The following TPRG1 variants were observed in gnomAD, a reference collection of about 807,000 sequenced individuals.
The protein encoded by TPRG1 is tumor protein p63-regulated gene 1 protein.
In TPRG1, 29 loss-of-function variants were observed where a neutral mutation model predicts 29.3. That is an observed-to-expected ratio of 0.99 (90% confidence interval 0.74 to 1.35). The LOEUF (loss-of-function observed/expected upper bound fraction) is 1.35. Among genes scored for constraint, TPRG1 ranks in the 40% most tolerant of loss-of-function variants. The probability of loss-of-function intolerance (pLI) is 0.00; values close to 1 mark genes in which losing one functional copy is unlikely to be tolerated. For synonymous variants in TPRG1, 130 were observed against 116.8 expected (o/e 1.11, Z -0.73); for missense variants, 327 against 335.0 (o/e 0.98, Z 0.19).
chr3:189,260,681 C>T (rs1375637013), intron 4 of TPRG1, among the ~76,000 whole-genome samples: 1 of 152,188 alleles, frequency 6.6e-6, no homozygotes, highest in Non-Finnish European at 1.5e-5. Flanking sequence ...CATTCTGCAA[C>T]ATAGAAGGGA....
upstream of TPRG1, among the ~76,000 whole-genome samples, chr3:189,170,632 A>G (rs750264212): frequency 6.6e-6 from 1 of 152,168 alleles, no homozygotes. Context: ...ATCCTTGTCT[A>G]TGTGGATAAC....
At chr3:189,216,630 G>C (rs1220504650) in intron 3 of TPRG1, among the ~76,000 whole-genome samples, 1 of 152,216 alleles carries the variant, frequency 6.6e-6, no homozygotes, top group South Asian at 2.1e-4. Context: ...TTCAATAGCT[G>C]TTAGTGCCCC....
chr3:189,141,019 C>T (rs761960693), intron 3 of TPRG1, among the ~76,000 whole-genome samples: 4 of 152,170 alleles, frequency 2.6e-5, no homozygotes, highest in Non-Finnish European at 5.9e-5. Flanking sequence ...CCTATTTGCA[C>T]ACAAGTACAT....
chr3:188,997,846 T>TCTTTATCAGAAGGAGAGGAA (rs1711882706), intron 1 of TPRG1, among the ~76,000 whole-genome samples: 1 of 152,182 alleles, frequency 6.6e-6, no homozygotes, highest in African/African-American at 2.4e-5. Context: ...CTGTACTTCC[T>TCTTTATCAGAAGGAGAGGAA]CCCCTTGCTC....
intron 5 of TPRG1, among the ~76,000 whole-genome samples, chr3:189,157,588 T>C (rs1726862205): frequency 6.6e-6 from 1 of 152,210 alleles, no homozygotes; most frequent in Non-Finnish European, 1.5e-5. Context: ...ATGATGCTTT[T>C]GGCGAAAGAC....
intron 4 of TPRG1, among the ~76,000 whole-genome samples, chr3:189,246,604 A>G (rs1056502080): frequency 2.6e-5 from 4 of 152,116 alleles, no homozygotes; most frequent in Admixed American, 6.6e-5. Context: ...CTTCCATAAG[A>G]TTCATTTCCC....
intron 1 of TPRG1, among the ~76,000 whole-genome samples, chr3:189,176,787 G>A (rs968877127): frequency 6.6e-6 from 1 of 152,246 alleles, no homozygotes; most frequent in African/African-American, 2.4e-5. Context: ...AACGAACTGA[G>A]TGGAAAGATC....
intron 5 of TPRG1, among the ~76,000 whole-genome samples, chr3:189,312,181 CTTTTTTTCT>C (rs1560689664): frequency 1.9e-5 from 1 of 51,398 alleles, no homozygotes. Context: ...TTCTTTCTTT[CTTTTTTTCT>C]TTCTTTCTTT....
chr3:189,158,473 G>T (rs999654374), intron 5 of TPRG1, among the ~76,000 whole-genome samples: 2 of 152,064 alleles, frequency 1.3e-5, no homozygotes, highest in Non-Finnish European at 2.9e-5. Context: ...GCCAGGCGTG[G>T]TGGCTTGCGG....
intron 1 of TPRG1, among the ~76,000 whole-genome samples, chr3:189,112,537 C>A (rs948455506): frequency 6.6e-6 from 1 of 151,984 alleles, no homozygotes; most frequent in African/African-American, 2.4e-5. Context: ...TAATCCATCT[C>A]GAATTAATTT....
At chr3:189,245,708 A>C (rs1474072964) in intron 4 of TPRG1, among the ~76,000 whole-genome samples, 1 of 152,092 alleles carries the variant, frequency 6.6e-6, no homozygotes, top group Non-Finnish European at 1.5e-5. Context: ...TGCTATTTAG[A>C]TTATATATAT....
intron 4 of TPRG1, among the ~76,000 whole-genome samples, chr3:189,083,723 T>C (rs1252216988): frequency 6.6e-6 from 1 of 152,226 alleles, no homozygotes; most frequent in Non-Finnish European, 1.5e-5. Flanking sequence ...TACTGCCAAA[T>C]TCTAGAGATG....
intron 4 of TPRG1, among the ~76,000 whole-genome samples, chr3:189,251,100 C>T (rs906173582): frequency 6.6e-6 from 1 of 151,788 alleles, no homozygotes; most frequent in Non-Finnish European, 1.5e-5. Context: ...TCTCTCTTTC[C>T]TTACCTACAG....
chr3:189,081,794 G>A lies in TPRG1; in HGVS notation c.-462-45263G>A, dbSNP rs1306332317. On this transcript the variant is annotated intron_variant, in intron 4 of 10. Coordinates refer to the TPRG1 transcript ENST00000433971. The stretch of plus-strand genomic sequence containing the variant: ...AACTATATGTCACAATTTATAGCAT[G>A]TCGTAGTACCTCTATGGTGTTGCAT... 2.0e-5 allele frequency among the ~76,000 whole-genome samples: 3 copies of A among 152,128 alleles called. No homozygotes were observed. The East Asian group carries it at 5.8e-4, about 29-fold the overall frequency.
intron 4 of TPRG1, among the ~76,000 whole-genome samples, chr3:189,088,701 A>G (rs1393183733): frequency 6.6e-6 from 1 of 152,188 alleles, no homozygotes; most frequent in African/African-American, 2.4e-5. Context: ...TTCAGAGAGC[A>G]TTTGTGATCC....
intron 3 of TPRG1, among the ~76,000 whole-genome samples, chr3:189,145,000 C>G (rs529685777): frequency 1.1e-4 from 17 of 152,114 alleles, no homozygotes; most frequent in Non-Finnish European, 2.5e-4. Flanking sequence ...GGACTAGAAG[C>G]CTTTTATTCT....
At chr3:189,309,898 T>G (rs534981092) in intron 4 of TPRG1, 2 of 152,402 alleles carry the variant, frequency 1.3e-5, no homozygotes, top group Non-Finnish European at 2.9e-5. Context: ...CAGAGCATTT[T>G]GAATTTGTCA....
rs116284053 is a variant in TPRG1 at position 189,180,253 on chromosome 3, G to A, written c.-10+8122G>A. Among the ~76,000 whole-genome samples, 751 of 152,154 alleles carry A rather than the reference G, an allele frequency of 4.9e-3. 6 individuals are homozygous for A. The highest frequency in any genetic ancestry group is 0.017 in the African/African-American group (708 of 41,498). On this transcript the variant is annotated intron_variant, in intron 1 of 5. Coordinates refer to ENST00000345063, the MANE Select transcript of TPRG1 (RefSeq NM_198485.4). ...AAACCATATCATTCCACCTCTGGTC[G>A]CTCCCAAATCTCATGTTCTCACATT...
At chr3:189,277,611 A>G (rs1195634787) in intron 4 of TPRG1, among the ~76,000 whole-genome samples, 1 of 152,220 alleles carries the variant, frequency 6.6e-6, no homozygotes, top group African/African-American at 2.4e-5. Context: ...AGAAGATTAA[A>G]TCAAAGTTTA....
Sources: allele counts gnomAD v4.1 joint callset (sites outside exome capture counted in the v4.1 genomes callset), GRCh38; gene constraint gnomAD v4.1.1; transcripts MANE v1.5; gene names NCBI Gene and HGNC (gene_info 2026-07-23, HGNC 2026-07-21).